Variants in TWIST2 observed in about 807,000 individuals in gnomAD.
TWIST2 encodes twist-related protein 2.
TWIST2 carries 1 observed loss-of-function variant against 11.6 expected under a neutral mutation model. The observed-to-expected ratio is 0.09, with a 90% CI of 0.03 to 0.41. The LOEUF (loss-of-function observed/expected upper bound fraction) is 0.41. Ranked by LOEUF, TWIST2 falls within the 10% of genes least tolerant of loss-of-function variation. TWIST2 has a pLI of 0.98. For synonymous variants in TWIST2, 87 were observed against 96.6 expected, an observed-to-expected ratio of 0.90 and a Z score of 0.58; for missense variants, 168 against 226.4, an observed-to-expected ratio of 0.74 and a Z score of 1.66.
At chr2:238,900,959 G>T (rs1345269778) in intron 1 of TWIST2, among the ~76,000 whole-genome samples, 3 of 149,986 alleles carry the variant, frequency 2.0e-5, no homozygotes, top group Non-Finnish European at 3.0e-5. Flanking sequence ...GATCGTTTCT[G>T]CCCTATCCCT....
intron 1 of TWIST2, among the ~76,000 whole-genome samples, chr2:238,878,435 C>T (rs912721338): frequency 3.3e-5 from 5 of 152,118 alleles, no homozygotes; most frequent in Admixed American, 2.0e-4. Flanking sequence ...AAGAGGATGT[C>T]GGCTCCTCAT....
chr2:238,873,995 C>T (rs557731215), intron 1 of TWIST2, among the ~76,000 whole-genome samples: 3 of 152,238 alleles, frequency 2.0e-5, no homozygotes, highest in South Asian at 4.1e-4. Context: ...AACTCACTTG[C>T]GGCTCTGTAC....
chr2:238,857,007 T>G (rs36151864), intron 1 of TWIST2, among the ~76,000 whole-genome samples: 65,815 of 151,902 alleles, frequency 0.43, 14,881 homozygotes, highest in African/African-American at 0.56. Flanking sequence ...CCTGTGACAA[T>G]CGCAGGTGAT....
chr2:238,851,447 G>A (rs1311907370), intron 1 of TWIST2, among the ~76,000 whole-genome samples: 1 of 152,194 alleles, frequency 6.6e-6, no homozygotes, highest in Non-Finnish European at 1.5e-5. Flanking sequence ...GGCTTGGAGG[G>A]TGGGGGAAGG....
intron 1 of TWIST2, among the ~76,000 whole-genome samples, chr2:238,898,305 G>A (rs1056765450): frequency 1.7e-4 from 26 of 152,342 alleles, no homozygotes; most frequent in East Asian, 1.2e-3. Context: ...TGACAAGGCC[G>A]GATATGTTCA....
chr2:238,860,868 G>A (rs142553873), intron 1 of TWIST2, among the ~76,000 whole-genome samples: 109,866 of 151,916 alleles, frequency 0.72, 40,064 homozygotes, highest in South Asian at 0.75. Context: ...AACCTGGGAG[G>A]TGGAGGTTGC....
intron 1 of TWIST2, among the ~76,000 whole-genome samples, chr2:238,908,596 A>G (rs1195610360): frequency 6.6e-6 from 1 of 152,202 alleles, no homozygotes; most frequent in Non-Finnish European, 1.5e-5. Context: ...ACACCACTGT[A>G]TGTGTGGCAT....
intron 1 of TWIST2, among the ~76,000 whole-genome samples, chr2:238,899,925 T>C (rs1222900884): frequency 1.3e-5 from 2 of 151,998 alleles, no homozygotes; most frequent in Non-Finnish European, 2.9e-5. Flanking sequence ...TTAATTTTGC[T>C]GGGAACCTGA....
chr2:238,862,373 TA>T (rs890739544), intron 1 of TWIST2, among the ~76,000 whole-genome samples: 3 of 152,134 alleles, frequency 2.0e-5, no homozygotes, highest in African/African-American at 7.2e-5. Context: ...AAAGGGCCTT[TA>T]AAAAATTTAA....
chr2:238,892,428 C>G (rs2106370006), intron 1 of TWIST2, among the ~76,000 whole-genome samples: 1 of 152,344 alleles, frequency 6.6e-6, no homozygotes, highest in Non-Finnish European at 1.5e-5. Context: ...CTCATCCTGT[C>G]CTGCCCCTGA....
Position 238,884,576 on chromosome 2 carries a change from G to A in TWIST2, c.*36-25266G>A, listed in dbSNP as rs552105197. ...GTGTGGTTGCCACCCGCAGGCCACC[G>A]GACTGGGCTGGCGAGGTGAGAACGG... On this transcript the variant is annotated intron_variant, in intron 1 of 1. Transcript: ENST00000612363. 9.2e-5 allele frequency among the ~76,000 whole-genome samples: 14 copies of A among 152,336 alleles called. No homozygotes were observed. The South Asian group carries it at 1.0e-3, about 11-fold the overall frequency.
intron 1 of TWIST2, among the ~76,000 whole-genome samples, chr2:238,908,218 C>G (rs1373037955): frequency 1.4e-5 from 2 of 141,910 alleles, no homozygotes; most frequent in Non-Finnish European, 3.0e-5. Context: ...TACACATATA[C>G]CCCCCATACA....
intron 1 of TWIST2, among the ~76,000 whole-genome samples, chr2:238,906,562 C>T (rs1458284800): frequency 6.6e-6 from 1 of 152,132 alleles, no homozygotes; most frequent in Non-Finnish European, 1.5e-5. Flanking sequence ...GATACACATG[C>T]TCACACAATT....
chr2:238,906,842 C>A (rs1693362282), intron 1 of TWIST2, among the ~76,000 whole-genome samples: 1 of 152,236 alleles, frequency 6.6e-6, no homozygotes, highest in South Asian at 2.1e-4. Context: ...CCCCTCCCAC[C>A]ACGCTCAGCC....
intron 1 of TWIST2, among the ~76,000 whole-genome samples, chr2:238,852,725 G>A (rs1199291865): frequency 1.3e-5 from 2 of 152,170 alleles, no homozygotes; most frequent in Non-Finnish European, 2.9e-5. Flanking sequence ...GGTGAAATCT[G>A]AATGAGGTCT....
intron 1 of TWIST2, among the ~76,000 whole-genome samples, chr2:238,908,973 G>A (rs1424769461): frequency 0.23 from 24,581 of 108,404 alleles, 533 homozygotes; most frequent in Middle Eastern, 0.33. Context: ...TGTACAGTGC[G>A]GGGTGTGTGT....
chr2:238,858,982 C>T (rs1356460255), intron 1 of TWIST2, among the ~76,000 whole-genome samples: 1 of 152,082 alleles, frequency 6.6e-6, no homozygotes, highest in Non-Finnish European at 1.5e-5. Flanking sequence ...GAGGCTGAGG[C>T]GGGTGGATCA....
chr2:238,866,763 T>C lies in TWIST2; in HGVS notation c.*35+18030T>C, dbSNP rs1199249748. On this transcript the variant is annotated intron_variant, in intron 1 of 1. Coordinates refer to ENST00000612363, the MANE Select transcript of TWIST2 (RefSeq NM_001271893.4). The surrounding 1 kb of genome is among the most constrained non-coding windows in gnomAD (Gnocchi z 4.9). ...CGACAGGACTACCTCCAGTGTCCCC[T>C]CCTTGGGGAGCCTCTAACCACCCTG... Among the ~76,000 whole-genome samples the C allele has an allele frequency of 6.6e-6, 1 of 152,104 alleles. No homozygotes were observed. The highest frequency in any genetic ancestry group is 1.5e-5 in the Non-Finnish European group (1 of 68,010).
At chr2:238,901,534 G>A (rs906461188) in intron 1 of TWIST2, among the ~76,000 whole-genome samples, 1 of 152,188 alleles carries the variant, frequency 6.6e-6, no homozygotes, top group Admixed American at 6.5e-5. Context: ...GTTCAGCCTG[G>A]ATGTGCCCCC....
Sources: gnomAD v4.1 joint callset for allele counts (sites outside exome capture counted in the v4.1 genomes callset) on GRCh38, gnomAD v4.1.1 for gene constraint, Gnocchi (gnomAD v3.1) non-coding constraint, MANE v1.5 for transcripts, NCBI Gene and HGNC (gene_info 2026-07-23, HGNC 2026-07-21) for gene names.